The following ESRRG variants were observed in gnomAD, a reference collection of about 807,000 sequenced individuals.
ESRRG encodes the protein estrogen-related receptor gamma.
In ESRRG, 13 loss-of-function variants were observed where a neutral mutation model predicts 44.0. That is an observed-to-expected ratio of 0.30 (90% CI 0.19 to 0.47). ESRRG has a LOEUF of 0.47. Ranked by LOEUF, ESRRG falls within the 20% of genes least tolerant of loss-of-function variation. The pLI is 1.00. For synonymous variants in ESRRG, 215 were observed against 214.6 expected, an observed-to-expected ratio of 1.00 and a Z score of -0.02; for missense variants, 395 against 580.6, an observed-to-expected ratio of 0.68 and a Z score of 3.29.
chr1:216,654,669 G>A (rs959397236), intron 2 of ESRRG, among the ~76,000 whole-genome samples: 6 of 150,694 alleles, frequency 4.0e-5, no homozygotes, highest in East Asian at 1.9e-4. Context: ...TTTTGAAATC[G>A]TCAACAGTAG....
chr1:216,509,867 G>A (rs550615987), intron 6 of ESRRG, among the ~76,000 whole-genome samples: 3 of 152,238 alleles, frequency 2.0e-5, no homozygotes, highest in African/African-American at 7.2e-5. Context: ...ATCTCCATTA[G>A]GGATCCTAGT....
intron 3 of ESRRG, among the ~76,000 whole-genome samples, chr1:216,636,431 C>T (rs562646830): frequency 3.7e-4 from 56 of 152,302 alleles, no homozygotes; most frequent in African/African-American, 1.3e-3. Context: ...CTTAGCACTT[C>T]GTGTTAGATA....
At chr1:217,069,202 C>T (rs2090211912) in intron 1 of ESRRG, among the ~76,000 whole-genome samples, 1 of 152,108 alleles carries the variant, frequency 6.6e-6, no homozygotes, top group South Asian at 2.1e-4. Context: ...ACTAGACTGG[C>T]CTAGCCTCCC....
intron 2 of ESRRG, among the ~76,000 whole-genome samples, chr1:216,927,203 A>G (rs952528459): frequency 1.3e-5 from 2 of 152,040 alleles, no homozygotes; most frequent in Non-Finnish European, 2.9e-5. Context: ...GTGTATATAC[A>G]CTCTTCAAAG....
At chr1:216,787,915 C>T (rs1260454280) in intron 2 of ESRRG, among the ~76,000 whole-genome samples, 2 of 152,086 alleles carry the variant, frequency 1.3e-5, no homozygotes, top group Non-Finnish European at 2.9e-5. Flanking sequence ...ATCAAACCAG[C>T]CAAAACATTC....
At chr1:217,087,262 T>C (rs900036462) in intron 1 of ESRRG, among the ~76,000 whole-genome samples, 2 of 152,228 alleles carry the variant, frequency 1.3e-5, no homozygotes, top group South Asian at 4.1e-4. Flanking sequence ...CTAGGAGCCC[T>C]TCAGCTGTCT....
intron 2 of ESRRG, among the ~76,000 whole-genome samples, chr1:216,741,839 T>C (rs1467792210): frequency 6.6e-6 from 1 of 152,194 alleles, no homozygotes; most frequent in Non-Finnish European, 1.5e-5. Context: ...AATACACTTG[T>C]CAACTTCTAA....
At chr1:216,857,914 A>G (rs1415255450) in intron 2 of ESRRG, among the ~76,000 whole-genome samples, 2 of 152,106 alleles carry the variant, frequency 1.3e-5, no homozygotes, top group African/African-American at 4.8e-5. Context: ...CATTTCCCCC[A>G]TGGTATAAGG....
intron 2 of ESRRG, among the ~76,000 whole-genome samples, chr1:216,750,635 G>A (rs1029843863): frequency 1.3e-5 from 2 of 151,928 alleles, no homozygotes; most frequent in African/African-American, 4.8e-5. Flanking sequence ...TATATGTCCT[G>A]ACAACCTACT....
chr1:216,868,219 C>T lies in ESRRG; in HGVS notation c.-14+71363G>A, dbSNP rs2096204362. Reference sequence around the variant, plus strand: ...TCTCCTGTCTCAGCCTCCCAAGTAGCTTGGATTACAGGCATGCGCCACCAT... The same window carrying T: ...TCTCCTGTCTCAGCCTCCCAAGTAGTTTGGATTACAGGCATGCGCCACCAT... On this transcript the variant is annotated intron_variant, in intron 2 of 7. Coordinates refer to the ESRRG transcript ENST00000359162. Among the ~76,000 whole-genome samples the T allele has an allele frequency of 2.0e-5, 3 of 150,828 alleles. No homozygotes were observed. In the South Asian group the frequency reaches 6.3e-4, roughly 32 times the overall value.
chr1:216,581,355 T>A (rs1162796594), intron 3 of ESRRG, among the ~76,000 whole-genome samples: 1 of 152,186 alleles, frequency 6.6e-6, no homozygotes, highest in South Asian at 2.1e-4. Context: ...TGCATACTTG[T>A]ACATATATCC....
intron 2 of ESRRG, among the ~76,000 whole-genome samples, chr1:216,854,129 C>G (rs1203231111): frequency 6.6e-6 from 1 of 151,870 alleles, no homozygotes; most frequent in Non-Finnish European, 1.5e-5. Context: ...GAGGCTGAAG[C>G]GGGTGGATCA....
rs149727480 is a variant in ESRRG at position 216,529,876 on chromosome 1, C to T, written c.863-10455G>A. Among the ~76,000 whole-genome samples the T allele has an allele frequency of 9.4e-3, 1,435 of 151,976 alleles. 30 individuals carry two copies. The highest frequency in any genetic ancestry group is 0.033 in the African/African-American group (1,361 of 41,468). On this transcript the variant is annotated intron_variant, in intron 5 of 6. Coordinates refer to ENST00000408911, the MANE Select transcript of ESRRG (RefSeq NM_001438.4). ...CCTGTAATCCCAGCACTTTGGGAGG[C>T]CCAGGTGAGTGGATCACTTGAGGTC...
chr1:216,796,231 G>A (rs564781269), intron 2 of ESRRG, among the ~76,000 whole-genome samples: 4 of 152,292 alleles, frequency 2.6e-5, no homozygotes, highest in African/African-American at 7.2e-5. Flanking sequence ...TGCTGAAAAC[G>A]AGAGCATTAC....
chr1:216,914,573 G>T (rs987016161), intron 2 of ESRRG, among the ~76,000 whole-genome samples: 1 of 152,134 alleles, frequency 6.6e-6, no homozygotes, highest in Non-Finnish European at 1.5e-5. Flanking sequence ...ATGTCCAATT[G>T]TCTGCTGACA....
At chr1:216,711,706 T>C (rs2151973494) in intron 1 of ESRRG, among the ~76,000 whole-genome samples, 1 of 152,324 alleles carries the variant, frequency 6.6e-6, no homozygotes, top group African/African-American at 2.4e-5. Context: ...AGCTCTGTAA[T>C]GATGTTAGAG....
intron 1 of ESRRG, among the ~76,000 whole-genome samples, chr1:217,081,259 C>CTTTA (rs1553277907): frequency 2.4e-5 from 1 of 41,436 alleles, no homozygotes; most frequent in Non-Finnish European, 4.4e-5. Context: ...CAGAGTTTTG[C>CTTTA]TCTTGTTGCC....
In ESRRG at chr1:216,638,993, A is replaced by G. The variant is rs1023740968; in HGVS notation, c.589+11980T>C. On this transcript the variant is annotated intron_variant, in intron 3 of 6. Coordinates refer to ENST00000408911, the MANE Select transcript of ESRRG (RefSeq NM_001438.4). ...ATACTTCCAAATTACGTATGAATTGATAATAACCTAAGACTGGCTAAGGTC... is the reference window on the plus strand; with the variant it reads ...ATACTTCCAAATTACGTATGAATTGGTAATAACCTAAGACTGGCTAAGGTC... 2.6e-5 allele frequency among the ~76,000 whole-genome samples: 4 copies of G among 152,306 alleles called. No homozygotes were observed. The South Asian group carries it at 8.3e-4, about 32-fold the overall frequency.
At chr1:216,604,532 C>A (rs893500586) in intron 3 of ESRRG, among the ~76,000 whole-genome samples, 1 of 152,120 alleles carries the variant, frequency 6.6e-6, no homozygotes, top group Non-Finnish European at 1.5e-5. Flanking sequence ...TGAATCCCAG[C>A]CCCCCATATC....
Sources: gnomAD v4.1 joint callset for allele counts (sites outside exome capture counted in the v4.1 genomes callset) on GRCh38, gnomAD v4.1.1 for gene constraint, MANE v1.5 for transcripts, NCBI Gene and HGNC (gene_info 2026-07-23, HGNC 2026-07-21) for gene names.